Variants in RICTOR observed in about 807,000 individuals in gnomAD.
RICTOR encodes the protein rapamycin-insensitive companion of mTOR.
A neutral mutation model predicts 214.9 loss-of-function variants in RICTOR; 49 were observed. The ratio of observed to expected loss-of-function variants is 0.23; its 90% CI spans 0.18 to 0.29. The LOEUF (loss-of-function observed/expected upper bound fraction) is 0.29, where lower values mean the gene tolerates loss of function less well. RICTOR is among the 10% of genes least tolerant of loss of function. The pLI is 1.00. For missense variants in RICTOR, 1,625 were observed against 2,047.0 expected (o/e 0.79, Z 3.98); for synonymous variants, 717 against 711.3 (o/e 1.01, Z -0.13).
chr5:38,941,774 A>G lies in RICTOR; in HGVS notation c.*530T>C. The G allele has an allele frequency of 4.3e-6, 1 of 232,866 alleles. No homozygotes were observed. The highest frequency in any genetic ancestry group is 6.1e-5 in the East Asian group (1 of 16,434). The allele number at this position is 232,866 out of a possible 1,614,324, so 14.4% of individuals were successfully genotyped here. On this transcript the variant is annotated 3_prime_UTR_variant, in exon 38 of 38. Transcript: ENST00000357387. Reference sequence around the variant, plus strand: ...CCTCTGAAGTAGTGTTACAAACATTAAGAAAAACGTGAAAGGGCCAAAGTT... The same window carrying G: ...CCTCTGAAGTAGTGTTACAAACATTGAGAAAAACGTGAAAGGGCCAAAGTT...
rs572403157 is a variant in RICTOR, at chr5:39,068,531, G to T, written c.97+5580C>A. Among the ~76,000 whole-genome samples the T allele has an allele frequency of 2.0e-5, 3 of 152,322 alleles. No individual in the cohort carries two copies. In the South Asian group the frequency reaches 6.2e-4, roughly 32 times the overall value. On this transcript the variant is annotated intron_variant, in intron 2 of 37. Coordinates refer to ENST00000357387, the MANE Select transcript of RICTOR (RefSeq NM_152756.5). ...AAGAAATGTGGACTGTATTCTGTGA[G>T]CAAAAATTAGCCTAGAAAATGTGTG...
chr5:39,014,820 G>A (rs985197011), intron 3 of RICTOR, among the ~76,000 whole-genome samples: 1 of 152,094 alleles, frequency 6.6e-6, no homozygotes, highest in South Asian at 2.1e-4. Context: ...ACCTTAAAAG[G>A]AAGTTTAGTT....
At chr5:38,954,894 G>T (rs1228249769) in intron 26 of RICTOR, 33 bp from the exon 27 acceptor site, 2 of 1,042,160 alleles carry the variant, frequency 1.9e-6, no homozygotes, top group Non-Finnish European at 2.9e-6. Context: ...TATATCTCTT[G>T]GCTAATTTAA....
chr5:38,999,739 C>G (rs2150099448), intron 5 of RICTOR, among the ~76,000 whole-genome samples: 1 of 151,990 alleles, frequency 6.6e-6, no homozygotes, highest in Non-Finnish European at 1.5e-5. Context: ...CATAAATACA[C>G]ACAAATAATT....
rs574826352 is a variant in RICTOR at position 39,020,676 on chromosome 5, G to T, written c.195+363C>A. Among the ~76,000 whole-genome samples the T allele has an allele frequency of 7.0e-4, 107 of 152,152 alleles. 3 individuals carry two copies. The highest frequency in any genetic ancestry group is 1.1e-3 in the Admixed American group (17 of 15,284). On this transcript the variant is annotated intron_variant, in intron 3 of 37. Coordinates refer to ENST00000357387, the MANE Select transcript of RICTOR (RefSeq NM_152756.5). ...ATTGACTTTATTGCGACACTTTATT[G>T]CACTGGTTTAGAATCAAACCCACAA...
At chr5:38,955,414 T>C (rs1023918411) in intron 26 of RICTOR, among the ~76,000 whole-genome samples, 181 bp downstream of exon 26, 10 of 151,990 alleles carry the variant, frequency 6.6e-5, no homozygotes, top group Admixed American at 5.9e-4. Context: ...ATGGAGTATA[T>C]GTGAATGCGT....
At chr5:39,056,436 C>A (rs974659611) in intron 2 of RICTOR, among the ~76,000 whole-genome samples, 1 of 152,240 alleles carries the variant, frequency 6.6e-6, no homozygotes, top group East Asian at 1.9e-4. Context: ...CGATTCAAGA[C>A]AAGCCTGGGC....
At chr5:39,046,382 A>C (rs1267879216) in intron 2 of RICTOR, among the ~76,000 whole-genome samples, 1 of 151,576 alleles carries the variant, frequency 6.6e-6, no homozygotes, top group Non-Finnish European at 1.5e-5. Flanking sequence ...AAATTAAAAA[A>C]AAAAAAAAGA....
At chr5:38,954,081 C>CTAT (rs1218148891) in intron 27 of RICTOR, among the ~76,000 whole-genome samples, 2 of 142,020 alleles carry the variant, frequency 1.4e-5, no homozygotes, top group African/African-American at 5.1e-5. Context: ...ACACATGAAA[C>CTAT]TATAGAGTAC....
intron 2 of RICTOR, among the ~76,000 whole-genome samples, chr5:39,072,475 C>G (rs1231906997): frequency 6.6e-6 from 1 of 152,194 alleles, no homozygotes; most frequent in Non-Finnish European, 1.5e-5. Context: ...CACATCTGAG[C>G]AGGTTTTTAA....
At chr5:39,035,360 C>T (rs1398781835) in intron 2 of RICTOR, among the ~76,000 whole-genome samples, 1 of 152,132 alleles carries the variant, frequency 6.6e-6, no homozygotes, top group African/African-American at 2.4e-5. Context: ...GATAAAACCA[C>T]AAAGATGGGG....
chr5:39,070,522 A>G (rs1759246359), intron 2 of RICTOR, among the ~76,000 whole-genome samples: 1 of 152,208 alleles, frequency 6.6e-6, no homozygotes, highest in South Asian at 2.1e-4. Flanking sequence ...TCATTTTGGA[A>G]CCTTTCTGCT....
intron 25 of RICTOR, among the ~76,000 whole-genome samples, chr5:38,957,155 C>T: frequency 6.6e-6 from 1 of 152,094 alleles, no homozygotes; most frequent in East Asian, 1.9e-4. Context: ...TCAAACTACT[C>T]CCTTCTTAGC....
rs2112814741 is a variant in RICTOR at position 38,945,631 on chromosome 5, G to A, written c.4493C>T (p.Ser1498Leu). Reference sequence around the variant, plus strand: ...ACTTTCTAAAAACAGAGAGGCATCTGAATGGATTGAATTCATTATTTCCGT... The same window carrying A: ...ACTTTCTAAAAACAGAGAGGCATCTAAATGGATTGAATTCATTATTTCCGT... The part of the protein sequence containing the change: ...SLTEIMNSIH[S>L]DASLFLESTE... The change falls in exon 34 of 38, where the codon TCA becomes TTA. Residue 1498 changes from serine to leucine, a missense_variant. Physicochemically the swap from Ser to Leu is moderately radical, Grantham distance 145. Around this residue, in one of 5 missense-constraint regions of RICTOR, gnomAD observed 1,214 missense variants for 1,470.5 expected, o/e 0.83. Coordinates refer to ENST00000357387, the MANE Select transcript of RICTOR (RefSeq NM_152756.5). The A allele has an allele frequency of 6.2e-7, 1 of 1,613,676 alleles. No homozygotes were observed. Among genetic ancestry groups the A allele is most frequent in the Non-Finnish European group, 8.5e-7 (1 of 1,179,592 alleles).
intron 2 of RICTOR, among the ~76,000 whole-genome samples, chr5:39,056,201 T>C (rs1758195285): frequency 6.6e-6 from 1 of 152,206 alleles, no homozygotes; most frequent in African/African-American, 2.4e-5. Context: ...TACCCAGCAC[T>C]TACTATGTCC....
intron 8 of RICTOR, 100 bp from the exon 9 acceptor site, chr5:38,978,750 G>C (rs551620660): frequency 1.8e-6 from 1 of 546,362 alleles, no homozygotes; most frequent in African/African-American, 2.0e-5. Context: ...ATCTTTAATG[G>C]GTTTACTGCT....
chr5:38,952,682 A>G (rs1005179799), intron 29 of RICTOR, among the ~76,000 whole-genome samples: 2 of 152,014 alleles, frequency 1.3e-5, no homozygotes, highest in African/African-American at 2.4e-5. Flanking sequence ...CAAAAAAGGT[A>G]TATTAGCTTT....
chr5:39,064,163 G>GTCTA (rs1485120308), intron 2 of RICTOR, among the ~76,000 whole-genome samples: 3 of 152,072 alleles, frequency 2.0e-5, no homozygotes, highest in African/African-American at 7.2e-5. Context: ...TTTTATGTCT[G>GTCTA]TAATTTTATA....
At chr5:39,054,228 A>G (rs1421584068) in intron 2 of RICTOR, among the ~76,000 whole-genome samples, 2 of 152,208 alleles carry the variant, frequency 1.3e-5, no homozygotes, top group African/African-American at 2.4e-5. Context: ...GAAATGAAAG[A>G]CAAGAATTTC....
Sources: allele counts gnomAD v4.1 joint callset (sites outside exome capture counted in the v4.1 genomes callset), GRCh38; gene constraint gnomAD v4.1.1; regional missense constraint gnomAD v4.1.1; transcripts MANE v1.5; gene names NCBI Gene and HGNC (gene_info 2026-07-23, HGNC 2026-07-21).